Variants in CLYBL observed in about 807,000 individuals in gnomAD.
CLYBL encodes the protein citramalyl-CoA lyase, mitochondrial.
A neutral mutation model predicts 38.9 loss-of-function variants in CLYBL; 31 were observed. The observed-to-expected ratio is 0.80, with a 90% CI of 0.60 to 1.08. The LOEUF (loss-of-function observed/expected upper bound fraction) is 1.08. CLYBL is among the 50% of genes least tolerant of loss of function. The pLI, the probability that CLYBL is intolerant of heterozygous loss-of-function variation, is 0.00. For missense variants in CLYBL, 434 were observed against 411.6 expected (o/e 1.05, Z -0.47); for synonymous variants, 171 against 158.6 (o/e 1.08, Z -0.59).
intron 1 of CLYBL, among the ~76,000 whole-genome samples, chr13:99,762,993 T>A (rs543734378): frequency 1.3e-5 from 2 of 152,230 alleles, no homozygotes; most frequent in Non-Finnish European, 2.9e-5. Context: ...TGAATATAAA[T>A]GCTGCTGATT....
rs367720085 is a variant in CLYBL, at chr13:99,886,940, C to T, written c.928-4378C>T. Among the ~76,000 whole-genome samples the T allele has an allele frequency of 7.9e-5, 12 of 152,278 alleles. No individual in the cohort carries two copies. The East Asian group carries it at 1.2e-3, about 15-fold the overall frequency. On this transcript the variant is annotated intron_variant, in intron 7 of 8. Coordinates refer to ENST00000339105, the MANE Select transcript of CLYBL (RefSeq NM_206808.5). ...CAGGGCCTGGCACAAGGGAGCTGCT[C>T]GGTCCATACTTGATGGATGAATGGA...
At chr13:99,607,026 C>T (rs932224415) in intron 1 of CLYBL, among the ~76,000 whole-genome samples, 2 of 152,216 alleles carry the variant, frequency 1.3e-5, no homozygotes, top group Non-Finnish European at 2.9e-5. Flanking sequence ...AACAAAACTG[C>T]CTGCCTCCCC....
In CLYBL at chr13:99,699,889, G is replaced by C. The variant is rs2048037957; in HGVS notation, c.63-72935G>C. 1.3e-5 allele frequency among the ~76,000 whole-genome samples: 2 copies of C among 151,824 alleles called. 1 individual carries two copies. The highest frequency in any genetic ancestry group is 1.3e-4 in the Admixed American group (2 of 15,224). ...GGTGCCTGTAGTCCCAGCTACTCGA[G>C]GCTGAGGCAGGAGAATGGCGTGAAC... On this transcript the variant is annotated intron_variant, in intron 1 of 8. Coordinates refer to ENST00000339105, the MANE Select transcript of CLYBL (RefSeq NM_206808.5).
chr13:99,715,152 C>T (rs958124759), intron 1 of CLYBL, among the ~76,000 whole-genome samples: 11 of 152,030 alleles, frequency 7.2e-5, no homozygotes, highest in East Asian at 5.8e-4. Flanking sequence ...TCTCCAGCTT[C>T]GGGGGATTAG....
At chr13:99,740,917 GA>G (rs953572214) in intron 1 of CLYBL, among the ~76,000 whole-genome samples, 6 of 152,156 alleles carry the variant, frequency 3.9e-5, no homozygotes, top group Non-Finnish European at 5.9e-5. Flanking sequence ...AAGCATCAGG[GA>G]CAAGGGATGG....
chr13:99,733,103 G>C (rs1400664302), intron 1 of CLYBL, among the ~76,000 whole-genome samples: 1 of 152,120 alleles, frequency 6.6e-6, no homozygotes, highest in Non-Finnish European at 1.5e-5. Flanking sequence ...AGCAGAAAAA[G>C]TAATTCCTAA....
At chr13:99,898,932 G>A (rs1453495171), downstream of CLYBL, among the ~76,000 whole-genome samples, 5 of 152,050 alleles carry the variant, frequency 3.3e-5, no homozygotes, top group Non-Finnish European at 7.3e-5. Context: ...TCCTGCTCTC[G>A]CCTCTCATCC....
intron 1 of CLYBL, among the ~76,000 whole-genome samples, chr13:99,750,590 C>T (rs749249109): frequency 6.6e-6 from 1 of 151,568 alleles, no homozygotes; most frequent in Non-Finnish European, 1.5e-5. Flanking sequence ...AGAAGAATCG[C>T]TGGAACCTGG....
At chr13:99,717,893 A>C (rs999115949) in intron 1 of CLYBL, among the ~76,000 whole-genome samples, 27 of 152,186 alleles carry the variant, frequency 1.8e-4, no homozygotes, top group African/African-American at 5.8e-4. Context: ...ACATAGGATC[A>C]CTTCAGATTT....
intron 1 of CLYBL, among the ~76,000 whole-genome samples, chr13:99,739,695 C>T (rs529165685): frequency 4.6e-5 from 7 of 152,168 alleles, no homozygotes; most frequent in Admixed American, 6.5e-5. Context: ...TACTTGTGGC[C>T]GGGCATGGTG....
At chr13:99,691,432 A>G (rs1411650639) in intron 1 of CLYBL, among the ~76,000 whole-genome samples, 1 of 152,128 alleles carries the variant, frequency 6.6e-6, no homozygotes, top group African/African-American at 2.4e-5. Flanking sequence ...ATCACTCCCC[A>G]TTATCTCTCT....
At chr13:99,781,563 C>T (rs1397215399) in intron 2 of CLYBL, among the ~76,000 whole-genome samples, 1 of 152,112 alleles carries the variant, frequency 6.6e-6, no homozygotes, top group Non-Finnish European at 1.5e-5. Context: ...GTAACCTCTG[C>T]CCCCCGGGTT....
intron 2 of CLYBL, among the ~76,000 whole-genome samples, chr13:99,827,696 G>A (rs570575767): frequency 7.2e-5 from 11 of 152,328 alleles, no homozygotes; most frequent in Admixed American, 4.6e-4. Context: ...TCTGCATGCC[G>A]TGCAAAGCTT....
At position 99,843,154 on chromosome 13, in the gene CLYBL, C is replaced by A. The variant is rs146736917; in HGVS notation, c.250-15707C>A. On this transcript the variant is annotated intron_variant, in intron 2 of 8. Transcript: ENST00000339105. ...TTGCAGGAGGCTGTGAGAGTTGGAGCCTCATGGTCATTCCTTTGGAGCCTC... is the reference window on the plus strand; with the variant it reads ...TTGCAGGAGGCTGTGAGAGTTGGAGACTCATGGTCATTCCTTTGGAGCCTC... Among the ~76,000 whole-genome samples, 4 of 152,262 alleles carry A rather than the reference C, an allele frequency of 2.6e-5. No homozygotes were observed. In the East Asian group the frequency reaches 7.7e-4, roughly 29 times the overall value.
intron 2 of CLYBL, among the ~76,000 whole-genome samples, chr13:99,820,792 C>T (rs529772636): frequency 2.0e-5 from 3 of 152,250 alleles, no homozygotes; most frequent in Admixed American, 6.5e-5. Flanking sequence ...AGCTGTTCTC[C>T]GGTCGGGATG....
intron 2 of CLYBL, among the ~76,000 whole-genome samples, chr13:99,835,502 C>A (rs1262672669): frequency 6.6e-6 from 1 of 152,182 alleles, no homozygotes; most frequent in Non-Finnish European, 1.5e-5. Context: ...GCCTACACCA[C>A]TTCTGTTCCA....
rs539702404 is a variant in CLYBL, at chr13:99,829,286, T to C, written c.250-29575T>C. 3.9e-5 allele frequency among the ~76,000 whole-genome samples: 6 copies of C among 152,348 alleles called. No homozygotes were observed. In the East Asian group the frequency reaches 7.7e-4, roughly 20 times the overall value. On this transcript the variant is annotated intron_variant, in intron 2 of 8. Transcript: ENST00000339105. Reference sequence around the variant, plus strand: ...CAGATGCAAACCTTCCTGTTTTTTTTCTTCCTTGGAAATAAGCAAACTGCC... The same window carrying C: ...CAGATGCAAACCTTCCTGTTTTTTTCCTTCCTTGGAAATAAGCAAACTGCC...
At chr13:99,907,260 C>T (rs1004478235) in intron 9 of CLYBL, among the ~76,000 whole-genome samples, 1 of 152,176 alleles carries the variant, frequency 6.6e-6, no homozygotes, top group Non-Finnish European at 1.5e-5. Flanking sequence ...ATCCCTGTGC[C>T]TCAGTCTTAT....
Position 99,865,315 on chromosome 13 carries a change from C to T in CLYBL, c.634+404C>T. 7.5e-6 allele frequency: 2 copies of T among 268,310 alleles called. No homozygotes were observed. The highest frequency in any genetic ancestry group is 2.7e-3 in the Middle Eastern group (2 of 740). The allele number at this position is 268,310 out of a possible 1,614,324, so 16.6% of individuals were successfully genotyped here. A position where few individuals can be genotyped will look rare whatever the true frequency, so the allele number is the denominator to read the frequency against. On this transcript the variant is annotated intron_variant, in intron 5 of 8. Coordinates refer to ENST00000339105, the MANE Select transcript of CLYBL (RefSeq NM_206808.5). The surrounding 1 kb of genome is among the most constrained non-coding windows in gnomAD (Gnocchi z 4.7). ...CTAACGCAAATTTAAGGCAATTTCA[C>T]ATTTGCCTTAATGAATTGTTTTCTA... is the stretch of plus-strand genomic sequence containing the variant.
Sources: gnomAD v4.1 joint callset for allele counts (sites outside exome capture counted in the v4.1 genomes callset) on GRCh38, gnomAD v4.1.1 for gene constraint, Gnocchi (gnomAD v3.1) non-coding constraint, MANE v1.5 for transcripts, NCBI Gene and HGNC (gene_info 2026-07-23, HGNC 2026-07-21) for gene names.